Variants in LRRTM4 observed in about 807,000 individuals in gnomAD.
LRRTM4 encodes leucine rich repeat transmembrane neuronal 4, also known as leucine-rich repeat transmembrane neuronal protein 4.
A neutral mutation model predicts 47.6 loss-of-function variants in LRRTM4; 25 were observed. The observed-to-expected ratio is 0.53, with a 90% CI of 0.38 to 0.73. The LOEUF (loss-of-function observed/expected upper bound fraction) is 0.73, where lower values mean the gene tolerates loss of function less well. Ranked by LOEUF, LRRTM4 falls within the 30% of genes least tolerant of loss-of-function variation. LRRTM4 has a pLI of 0.00. For missense variants in LRRTM4, 638 were observed against 713.4 expected (o/e 0.89, Z 1.20); for synonymous variants, 311 against 269.5 (o/e 1.15, Z -1.51).
intron 3 of LRRTM4, among the ~76,000 whole-genome samples, chr2:77,509,532 C>G (rs2091819): frequency 0.94 from 142,455 of 152,210 alleles, 66,722 homozygotes; most frequent in African/African-American, 0.96. Context: ...ATTCACTTTA[C>G]TAAAAATGTA....
At chr2:77,041,623 C>G (rs1307774895) in intron 3 of LRRTM4, among the ~76,000 whole-genome samples, 1 of 151,254 alleles carries the variant, frequency 6.6e-6, no homozygotes, top group South Asian at 2.1e-4. Flanking sequence ...GATGCTATCT[C>G]ATTTGATTCA....
chr2:76,848,092 T>G (rs1055655278), intron 3 of LRRTM4, among the ~76,000 whole-genome samples: 1 of 152,072 alleles, frequency 6.6e-6, no homozygotes, highest in Admixed American at 6.6e-5. Context: ...TTTCTCAAAG[T>G]TTTTTTCCCT....
intron 3 of LRRTM4, among the ~76,000 whole-genome samples, chr2:76,814,118 A>G (rs752599737): frequency 7.9e-5 from 12 of 151,998 alleles, no homozygotes; most frequent in Non-Finnish European, 1.2e-4. Context: ...GATTTTTCTT[A>G]TCTTGTTCTC....
chr2:77,342,672 G>A (rs1184333760), intron 3 of LRRTM4, among the ~76,000 whole-genome samples: 1 of 151,904 alleles, frequency 6.6e-6, no homozygotes, highest in Non-Finnish European at 1.5e-5. Context: ...ATCTTCCAGA[G>A]AACAGTCATT....
intron 3 of LRRTM4, among the ~76,000 whole-genome samples, chr2:77,017,942 C>A (rs1678128403): frequency 1.3e-5 from 2 of 151,710 alleles, no homozygotes; most frequent in South Asian, 4.1e-4. Context: ...AAGATGTGAA[C>A]AAATAATCAT....
intron 3 of LRRTM4, among the ~76,000 whole-genome samples, chr2:77,372,322 C>G (rs1672682589): frequency 6.6e-6 from 1 of 151,718 alleles, no homozygotes; most frequent in South Asian, 2.1e-4. Context: ...AATTGCTCAT[C>G]CATAGGTTGC....
At chr2:77,042,620 G>A (rs1679074472) in intron 3 of LRRTM4, among the ~76,000 whole-genome samples, 1 of 151,462 alleles carries the variant, frequency 6.6e-6, no homozygotes. Flanking sequence ...TGTTTTTATT[G>A]TATAGAAAAT....
At chr2:76,895,605 A>G (rs1289314486) in intron 3 of LRRTM4, among the ~76,000 whole-genome samples, 1 of 151,764 alleles carries the variant, frequency 6.6e-6, no homozygotes, top group East Asian at 1.9e-4. Context: ...TTTACCTTGA[A>G]CTCTAGATCT....
At chr2:77,104,356 G>C (rs79282605) in intron 3 of LRRTM4, among the ~76,000 whole-genome samples, 23,225 of 152,082 alleles carry the variant, frequency 0.15, 2,636 homozygotes, top group East Asian at 0.43. Context: ...GTGGTGGTCA[G>C]AGTGACCATT....
At chr2:76,839,795 A>G (rs1671618913) in intron 3 of LRRTM4, among the ~76,000 whole-genome samples, 1 of 152,132 alleles carries the variant, frequency 6.6e-6, no homozygotes, top group Admixed American at 6.6e-5. Flanking sequence ...TCTAAATACA[A>G]TTTTATTTTT....
chr2:76,923,177 G>T (rs1674484738), intron 3 of LRRTM4, among the ~76,000 whole-genome samples: 1 of 151,940 alleles, frequency 6.6e-6, no homozygotes, highest in Non-Finnish European at 1.5e-5. Context: ...AAATTAAAAA[G>T]AGATAGGTTT....
chr2:77,121,252 A>G (rs1221137595), intron 3 of LRRTM4, among the ~76,000 whole-genome samples: 3 of 151,806 alleles, frequency 2.0e-5, no homozygotes, highest in Non-Finnish European at 3.0e-5. Context: ...TTGAAAGACA[A>G]AACTATATCT....
chr2:77,148,034 C>T (rs1672305060), intron 3 of LRRTM4, among the ~76,000 whole-genome samples: 1 of 152,098 alleles, frequency 6.6e-6, no homozygotes, highest in African/African-American at 2.4e-5. Flanking sequence ...AATATTTCCC[C>T]TAATTTATAT....
rs567502769 is a variant in LRRTM4, at chr2:76,817,806, A to T, written c.1552-68890T>A. ...TAACGATCCTATCAAATTTGCGTTA[A>T]CGAATCTGGGCTGCAGAGTAATGTC... On this transcript the variant is annotated intron_variant, in intron 3 of 3. Coordinates refer to ENST00000409884, the MANE Select transcript of LRRTM4 (RefSeq NM_001134745.3). Among the ~76,000 whole-genome samples, 202 of 152,076 alleles carry T rather than the reference A, an allele frequency of 1.3e-3. 1 individual carries two copies. The highest frequency in any genetic ancestry group is 2.1e-3 in the South Asian group (10 of 4,832).
At chr2:76,807,796 T>C (rs1670575438) in intron 3 of LRRTM4, among the ~76,000 whole-genome samples, 1 of 151,748 alleles carries the variant, frequency 6.6e-6, no homozygotes, top group Admixed American at 6.6e-5. Context: ...TTCACCATGT[T>C]GGTCTCCAAC....
chr2:76,968,483 T>C (rs1034150825), intron 3 of LRRTM4, among the ~76,000 whole-genome samples: 1 of 150,318 alleles, frequency 6.7e-6, no homozygotes, highest in African/African-American at 2.4e-5. Context: ...TATCTATCCA[T>C]CTACCTATCT....
chr2:77,271,187 C>T (rs143160314), intron 3 of LRRTM4, among the ~76,000 whole-genome samples: 112 of 152,238 alleles, frequency 7.4e-4, no homozygotes, highest in African/African-American at 2.6e-3. Flanking sequence ...TCTTCTTGGA[C>T]GCCAGACAAG....
intron 3 of LRRTM4, among the ~76,000 whole-genome samples, chr2:76,793,797 T>A (rs1675107085): frequency 6.6e-6 from 1 of 152,170 alleles, no homozygotes; most frequent in South Asian, 2.1e-4. Context: ...AAGTGCTGAT[T>A]TCAGATAAAA....
intron 3 of LRRTM4, among the ~76,000 whole-genome samples, chr2:77,097,853 G>A (rs1280901124): frequency 6.6e-6 from 1 of 151,704 alleles, no homozygotes. Flanking sequence ...AGAAAACAAG[G>A]CACAATAGGG....
Sources: gnomAD v4.1 joint callset for allele counts (sites outside exome capture counted in the v4.1 genomes callset) on GRCh38, gnomAD v4.1.1 for gene constraint, MANE v1.5 for transcripts, NCBI Gene and HGNC (gene_info 2026-07-23, HGNC 2026-07-21) for gene names.